Variants in RANBP2 observed in about 807,000 individuals in gnomAD.
RANBP2 encodes RAN binding protein 2, also known as E3 SUMO-protein ligase RanBP2.
RANBP2 carries 57 observed loss-of-function variants against 303.6 expected under a neutral mutation model. The observed-to-expected ratio is 0.19, with a 90% confidence interval of 0.15 to 0.23. The LOEUF (loss-of-function observed/expected upper bound fraction) is 0.23, where lower values mean the gene tolerates loss of function less well. RANBP2 is among the 10% of genes least tolerant of loss of function. The pLI, the probability that RANBP2 is intolerant of heterozygous loss-of-function variation, is 1.00. For synonymous variants in RANBP2, 1,167 were observed against 1,301.5 expected (o/e 0.90, Z 2.23); for missense variants, 3,138 against 3,780.8 (o/e 0.83, Z 4.46).
At chr2:108,946,024 C>T in the RANBP2 span, among the ~76,000 whole-genome samples, 2 of 152,342 alleles carry the variant, frequency 1.3e-5, no homozygotes, top group African/African-American at 4.8e-5. Flanking sequence ...ATTCTCTGCA[C>T]TAGTACTGGC....
chr2:108,866,021 T>C, the RANBP2 span, among the ~76,000 whole-genome samples: 5 of 152,302 alleles, frequency 3.3e-5, no homozygotes, highest in East Asian at 3.9e-4. Flanking sequence ...TCCTGTCTTA[T>C]GGAGCTGTGC....
the RANBP2 span, chr2:108,791,580 C>G: frequency 7.1e-7 from 1 of 1,400,734 alleles, no homozygotes; most frequent in South Asian, 1.2e-5. Context: ...TACATTTTTT[C>G]TCAGTTATGC....
chr2:109,649,367 T>G, the RANBP2 span, among the ~76,000 whole-genome samples: 1 of 152,144 alleles, frequency 6.6e-6, no homozygotes, highest in Non-Finnish European at 1.5e-5. Flanking sequence ...ATTGTAGGGA[T>G]TTAATATTTA....
At chr2:109,515,280 T>C in the RANBP2 span, among the ~76,000 whole-genome samples, 1 of 152,042 alleles carries the variant, frequency 6.6e-6, no homozygotes, top group African/African-American at 2.4e-5. Flanking sequence ...GTGCCCCACA[T>C]GATTCAGTGT....
At chr2:109,615,756 C>T in the RANBP2 span, 1 of 1,614,086 alleles carries the variant, frequency 6.2e-7, no homozygotes, top group Non-Finnish European at 8.5e-7. Flanking sequence ...TCCCTCGCAT[C>T]TCATCACCTA....
the RANBP2 span, among the ~76,000 whole-genome samples, chr2:109,279,297 CA>C: frequency 6.6e-6 from 1 of 152,174 alleles, no homozygotes; most frequent in Non-Finnish European, 1.5e-5. Context: ...TTAACTGCTG[CA>C]AAGGGATTGC....
the RANBP2 span, chr2:109,585,736 T>TA: frequency 6.2e-7 from 1 of 1,612,480 alleles, no homozygotes; most frequent in African/African-American, 1.3e-5. Context: ...CAGAGAATAT[T>TA]AAAGCAGAAA....
chr2:109,502,018 T>C, the RANBP2 span: 93 of 240,964 alleles, frequency 3.9e-4, 1 homozygote, highest in African/African-American at 1.8e-3. Flanking sequence ...CTAAGCAGGG[T>C]TGGAGGTTGC....
the RANBP2 span, among the ~76,000 whole-genome samples, chr2:109,683,155 G>T: frequency 6.6e-6 from 1 of 152,126 alleles, no homozygotes; most frequent in Non-Finnish European, 1.5e-5. Context: ...ACAGGTGCCT[G>T]CCACCAGGCC....
chr2:109,072,177 G>C, the RANBP2 span, among the ~76,000 whole-genome samples: 1 of 152,186 alleles, frequency 6.6e-6, no homozygotes, highest in Non-Finnish European at 1.5e-5. Flanking sequence ...GTGATTTATT[G>C]ATGAAGACTT....
the RANBP2 span, among the ~76,000 whole-genome samples, chr2:109,180,320 G>T: frequency 6.6e-6 from 1 of 152,118 alleles, no homozygotes; most frequent in African/African-American, 2.4e-5. Flanking sequence ...TGGTATTGAT[G>T]ACTTTTTCTC....
chr2:109,015,158 A>T, the RANBP2 span, among the ~76,000 whole-genome samples: 17 of 133,444 alleles, frequency 1.3e-4, no homozygotes, highest in African/African-American at 4.3e-4. Context: ...AAAAAAAAAA[A>T]AGATAGTAAT....
chr2:108,837,941 A>G, the RANBP2 span, among the ~76,000 whole-genome samples: 1 of 151,846 alleles, frequency 6.6e-6, no homozygotes, highest in South Asian at 2.1e-4. Flanking sequence ...TTTTTTTTAA[A>G]GACACCAGAG....
the RANBP2 span, among the ~76,000 whole-genome samples, chr2:109,576,578 A>C: frequency 1.3e-5 from 2 of 152,172 alleles, no homozygotes; most frequent in African/African-American, 4.8e-5. Context: ...TAAAATGGGA[A>C]AAATTAATCT....
chr2:109,376,534 A>G, the RANBP2 span, among the ~76,000 whole-genome samples: 1 of 152,244 alleles, frequency 6.6e-6, no homozygotes, highest in African/African-American at 2.4e-5. Context: ...TGATCCAAAA[A>G]TAGTTCAAAA....
the RANBP2 span, among the ~76,000 whole-genome samples, chr2:109,051,686 T>C: frequency 5.9e-5 from 9 of 152,180 alleles, 1 homozygote; most frequent in South Asian, 1.7e-3. Context: ...TTTGGCTGGC[T>C]AAGACAGCAA....
the RANBP2 span, among the ~76,000 whole-genome samples, chr2:109,344,675 G>A: frequency 2.0e-5 from 3 of 152,216 alleles, no homozygotes; most frequent in Non-Finnish European, 4.4e-5. Context: ...CAGTGGGAGT[G>A]GGAGGGTGCA....
the RANBP2 span, among the ~76,000 whole-genome samples, chr2:109,646,681 T>C: frequency 6.7e-6 from 1 of 149,934 alleles, no homozygotes; most frequent in African/African-American, 2.5e-5. Flanking sequence ...TTTTTTTGTA[T>C]TTTTTGTAGA....
chr2:109,708,449 G>A, the RANBP2 span, among the ~76,000 whole-genome samples: 1 of 151,968 alleles, frequency 6.6e-6, no homozygotes, highest in Non-Finnish European at 1.5e-5. Flanking sequence ...CTTGAGTCCA[G>A]GAGTTCAAGA....
Sources: allele counts gnomAD v4.1 joint callset (sites outside exome capture counted in the v4.1 genomes callset), GRCh38; gene constraint gnomAD v4.1.1; transcripts MANE v1.5; gene names NCBI Gene and HGNC (gene_info 2026-07-23, HGNC 2026-07-21).